CGN: variants seen among roughly 807,000 people sequenced by gnomAD.
CGN encodes cingulin.
Under a neutral mutation model 157.1 loss-of-function variants are expected in CGN, and 121 were observed. The ratio of observed to expected loss-of-function variants is 0.77; its 90% CI spans 0.66 to 0.90. The LOEUF is 0.90. CGN is among the 40% of genes least tolerant of loss of function. The pLI is 0.00. For missense variants in CGN, 1,424 were observed against 1,520.9 expected (o/e 0.94, Z 1.06); for synonymous variants, 535 against 607.5 (o/e 0.88, Z 1.76).
intron 14 of CGN, 38 bp downstream of exon 14, chr1:151,532,610 C>CAAA: frequency 9.4e-7 from 1 of 1,066,694 alleles, no homozygotes; most frequent in Non-Finnish European, 1.2e-6. Flanking sequence ...AGGTCCTTGC[C>CAAA]TCTTTTTTTT....
intron 5 of CGN, among the ~76,000 whole-genome samples, chr1:151,521,023 G>A (rs1339252310): frequency 3.9e-5 from 6 of 151,940 alleles, no homozygotes; most frequent in Non-Finnish European, 8.8e-5. Context: ...CATAATAATG[G>A]CAATAGTAGT....
rs555003019 is a variant in CGN at position 151,532,520 on chromosome 1, G to T, written c.2690G>T (p.Trp897Leu). Residue 897 changes from tryptophan to leucine, a missense_variant, in exon 14 of 21, where the codon TGG becomes TTG. Transcript: ENST00000271636. ...GATGCCCAGCGCCAGGCCAAGGATT[G>T]GGCCAGTGAGGCTGAGAAGACCTCT... ...VADAQRQAKD[W>L]ASEAEKTSGG... 6.2e-7 allele frequency: 1 copy of T among 1,601,478 alleles called. No individual in the cohort carries two copies. Among genetic ancestry groups the T allele is most frequent in the South Asian group, 1.1e-5 (1 of 89,456 alleles).
intron 5 of CGN, 128 bp downstream of exon 5, chr1:151,520,819 A>T: frequency 2.6e-6 from 2 of 758,032 alleles, no homozygotes; most frequent in Non-Finnish European, 2.2e-6. Flanking sequence ...GACAAGAGAC[A>T]AGAATGTGTA....
At chr1:151,529,062 G>A (rs1221770869) in intron 10 of CGN, among the ~76,000 whole-genome samples, 1 of 152,146 alleles carries the variant, frequency 6.6e-6, no homozygotes, top group African/African-American at 2.4e-5. Flanking sequence ...TGGACATCTG[G>A]GTTGTGTATC....
chr1:151,513,195 CG>C (rs1435971123), intron 1 of CGN, among the ~76,000 whole-genome samples: 1 of 152,218 alleles, frequency 6.6e-6, no homozygotes. Flanking sequence ...CTGCCTCCTC[CG>C]TGGTGTGGAA....
chr1:151,529,337 C>T lies in CGN; in HGVS notation c.1897-13C>T, dbSNP rs369237462. The T allele has an allele frequency of 3.8e-5, 62 of 1,611,288 alleles. No individual in the cohort carries two copies. Among genetic ancestry groups the T allele is most frequent in the African/African-American group, 2.5e-4 (19 of 74,962 alleles). On this transcript the variant is annotated splice_polypyrimidine_tract_variant and intron_variant, in intron 10 of 20. Transcript: ENST00000271636. ...GCTCTGGGTGCCCCATCACCATTCCCGTTTCCTTCCAGGAGCTGCTCCGGA... is the reference window on the plus strand; with the variant it reads ...GCTCTGGGTGCCCCATCACCATTCCTGTTTCCTTCCAGGAGCTGCTCCGGA...
At chr1:151,516,593 A>G (rs2102486979) in intron 1 of CGN, among the ~76,000 whole-genome samples, 1 of 144,412 alleles carries the variant, frequency 6.9e-6, no homozygotes, top group South Asian at 2.2e-4. Context: ...CCCAGGCTGG[A>G]GTGCAATGGC....
chr1:151,516,704 G>A (rs1664421555), intron 1 of CGN, among the ~76,000 whole-genome samples: 1 of 151,348 alleles, frequency 6.6e-6, no homozygotes, highest in Admixed American at 6.6e-5. Context: ...TACCACGCCC[G>A]GCTGATTTTG....
chr1:151,531,523 A>C (rs1664837183), intron 13 of CGN, among the ~76,000 whole-genome samples: 1 of 152,092 alleles, frequency 6.6e-6, no homozygotes, highest in Non-Finnish European at 1.5e-5. Context: ...CAGGATTTGA[A>C]CCCAGACATC....
chr1:151,520,040 A>G (rs935373619), intron 2 of CGN, 126 bp from the exon 3 acceptor site: 2 of 702,002 alleles, frequency 2.8e-6, no homozygotes, highest in Non-Finnish European at 4.8e-6. Flanking sequence ...ATTGTTCATC[A>G]TGCTTGAAGG....
At position 151,524,581 on chromosome 1, in the gene CGN, C is replaced by T. The variant is rs556883906; in HGVS notation, c.1402-93C>T. 3.0e-4 allele frequency: 374 copies of T among 1,238,438 alleles called. 1 individual carries two copies. Among genetic ancestry groups the T allele is most frequent in the Middle Eastern group, 8.1e-4 (3 of 3,690 alleles). The allele number at this position is 1,238,438 out of a possible 1,614,324, so 76.7% of individuals were successfully genotyped here. ...TGGTACTAGAGCACCTGGTACTGTG[C>T]CTAATACGATAAATATTTTTTGACT... On this transcript the variant is annotated intron_variant, in intron 7 of 20. Coordinates refer to ENST00000271636, the MANE Select transcript of CGN (RefSeq NM_020770.3). This position sits in a 1 kb window ranked among gnomAD's most constrained non-coding sequence, Gnocchi z 4.4.
Position 151,518,688 on chromosome 1 carries a change from G to A in CGN, c.169G>A (p.Val57Met). Residue 57 changes from valine (V) to methionine (M), a missense_variant, in exon 2 of 21, where the codon GTG becomes ATG. Transcript: ENST00000271636. ...CAGTACCTACGGGGTTGCTGTGCGT[G>A]TGCAGGGAATCGCTGGGCAGCCCTT... ...RASTYGVAVR[V>M]QGIAGQPFVV... 6.2e-7 allele frequency: 1 copy of A among 1,614,190 alleles called. No homozygotes were observed. The highest frequency in any genetic ancestry group is 8.5e-7 in the Non-Finnish European group (1 of 1,180,030).
In CGN at chr1:151,518,728, G is replaced by A; in HGVS notation, c.209G>A (p.Ser70Asn). ...IAGQPFVVLN[S>N]GEKGGDSFGV... ...GGGCAGCCCTTTGTGGTGCTCAACA[G>A]TGGGGAGAAAGGCGGTGACTCCTTT... The change falls in exon 2 of 21, where the codon AGT (serine) becomes AAT (asparagine). Residue 70 changes from serine (S) to asparagine (N), a missense_variant. Transcript: ENST00000271636. 1.2e-6 allele frequency: 2 copies of A among 1,614,178 alleles called. No homozygotes were observed. Among genetic ancestry groups the A allele is most frequent in the South Asian group, 2.2e-5 (2 of 91,086 alleles).
intron 14 of CGN, among the ~76,000 whole-genome samples, chr1:151,533,221 T>C (rs1664878252): frequency 6.6e-6 from 1 of 152,236 alleles, no homozygotes; most frequent in South Asian, 2.1e-4. Context: ...CTCACGCCTG[T>C]AATCCCAGCA....
In CGN at chr1:151,529,904, C is replaced by T. The variant is rs1005128585; in HGVS notation, c.2107-5C>T. On this transcript the variant is annotated splice_region_variant and splice_polypyrimidine_tract_variant and intron_variant, in intron 11 of 20. Transcript: ENST00000271636. ...CTGAGCTGCCACCCCCTGAACCGTC[C>T]TTAGGCTAAGATGGTGGCCGAGGCA... is the stretch of plus-strand genomic sequence containing the variant. 1 of 1,612,696 alleles carries T rather than the reference C, an allele frequency of 6.2e-7. No individual in the cohort carries two copies. Among genetic ancestry groups the T allele is most frequent in the South Asian group, 1.1e-5 (1 of 91,004 alleles).
At position 151,519,051 on chromosome 1, in the gene CGN, G is replaced by C. The variant is rs547118877; in HGVS notation, c.532G>C (p.Val178Leu). The C allele has an allele frequency of 1.5e-5, 24 of 1,614,166 alleles. No individual in the cohort carries two copies. The South Asian group carries it at 2.3e-4, about 16-fold the overall frequency. Reference protein sequence around the residue: ...STIDTAPLSSVDSLINKFDSQ... With the variant: ...STIDTAPLSSLDSLINKFDSQ... Reference sequence around the variant, plus strand: ...CATTGACACTGCTCCCCTGTCTTCAGTGGACTCACTCATCAACAAGTTTGA... The same window carrying C: ...CATTGACACTGCTCCCCTGTCTTCACTGGACTCACTCATCAACAAGTTTGA... The change falls in exon 2 of 21, where the codon GTG (valine) becomes CTG (leucine). Residue 178 changes from valine to leucine, a missense_variant. Transcript: ENST00000271636.
intron 9 of CGN, among the ~76,000 whole-genome samples, chr1:151,526,362 A>G (rs962487356): frequency 1.3e-5 from 2 of 151,212 alleles, no homozygotes; most frequent in Non-Finnish European, 2.9e-5. Context: ...TTTTTAGTAG[A>G]GACGGGGTTT....
Position 151,525,805 on chromosome 1 carries a change from CCT to C in CGN, c.1763+19_1763+20del. 6.6e-7 allele frequency: 1 copy of C among 1,510,516 alleles called. No individual in the cohort carries two copies. The highest frequency in any genetic ancestry group is 8.9e-7 in the Non-Finnish European group (1 of 1,128,632). The allele number at this position is 1,510,516 out of a possible 1,614,324, so 93.6% of individuals were successfully genotyped here. ...ACCAAGCAGGAGTAAGGACATTGGCCCTCTCAGAAATACCCATGATTCATATG... is the reference window on the plus strand; with the variant it reads ...ACCAAGCAGGAGTAAGGACATTGGCCCTCAGAAATACCCATGATTCATATG... On this transcript the variant is annotated intron_variant, in intron 9 of 20. Coordinates refer to ENST00000271636, the MANE Select transcript of CGN (RefSeq NM_020770.3).
chr1:151,534,673 C>T (rs1664915536), intron 15 of CGN: 2 of 269,430 alleles, frequency 7.4e-6, no homozygotes, highest in African/African-American at 4.4e-5. Flanking sequence ...CTCTTAGCCT[C>T]TACGTGGTAC....
Sources: allele counts gnomAD v4.1 joint callset (sites outside exome capture counted in the v4.1 genomes callset), GRCh38; gene constraint gnomAD v4.1.1; non-coding constraint Gnocchi (gnomAD v3.1); transcripts MANE v1.5; gene names NCBI Gene and HGNC (gene_info 2026-07-23, HGNC 2026-07-21).